The following PLCXD3 variants were observed in gnomAD, a reference collection of about 807,000 sequenced individuals.
The protein encoded by PLCXD3 is phosphatidylinositol specific phospholipase C X domain containing 3.
A neutral mutation model predicts 25.5 loss-of-function variants in PLCXD3; 19 were observed. The ratio of observed to expected loss-of-function variants is 0.75; its 90% confidence interval spans 0.52 to 1.09. The LOEUF is 1.09. Among genes scored for constraint, PLCXD3 ranks in the 50% least tolerant of loss-of-function variants. The probability of loss-of-function intolerance (pLI) is 0.00; values close to 1 mark genes in which losing one functional copy is unlikely to be tolerated. For missense variants in PLCXD3, 411 were observed against 388.1 expected (o/e 1.06, Z -0.50); for synonymous variants, 174 against 137.6 (o/e 1.26, Z -1.85).
At chr5:41,406,118 A>G (rs1474038067) in intron 1 of PLCXD3, among the ~76,000 whole-genome samples, 2 of 152,192 alleles carry the variant, frequency 1.3e-5, no homozygotes, top group Non-Finnish European at 1.5e-5. Flanking sequence ...TTTTTGAGAC[A>G]TGGATCTTTC....
At chr5:41,439,555 C>T (rs1461035702) in intron 1 of PLCXD3, among the ~76,000 whole-genome samples, 1 of 151,978 alleles carries the variant, frequency 6.6e-6, no homozygotes, top group Non-Finnish European at 1.5e-5. Flanking sequence ...CAAGAGGTGG[C>T]CTTGAGAATA....
At chr5:41,492,015 C>G (rs1415519156) in intron 1 of PLCXD3, among the ~76,000 whole-genome samples, 6 of 152,214 alleles carry the variant, frequency 3.9e-5, no homozygotes, top group Admixed American at 6.5e-5. Context: ...AGTTGATGCA[C>G]TTTCTTCCTA....
chr5:41,409,015 T>C (rs748911592), intron 1 of PLCXD3, among the ~76,000 whole-genome samples: 12 of 152,152 alleles, frequency 7.9e-5, no homozygotes, highest in Non-Finnish European at 1.6e-4. Flanking sequence ...GACATGTCTG[T>C]TGGCAAACAA....
chr5:41,388,636 T>TA (rs201293137), intron 1 of PLCXD3, among the ~76,000 whole-genome samples: 6,738 of 151,960 alleles, frequency 0.044, 193 homozygotes, highest in Non-Finnish European at 0.062. Flanking sequence ...TTCTTTTTCA[T>TA]AAAAAAGGAC....
intron 2 of PLCXD3, among the ~76,000 whole-genome samples, chr5:41,328,964 T>C (rs1044322351): frequency 5.9e-5 from 9 of 152,188 alleles, no homozygotes; most frequent in African/African-American, 2.2e-4. Flanking sequence ...AAGGTAAAAA[T>C]GCTTAACTGG....
At chr5:41,497,016 A>G (rs545154610) in intron 1 of PLCXD3, among the ~76,000 whole-genome samples, 1 of 151,754 alleles carries the variant, frequency 6.6e-6, no homozygotes, top group Admixed American at 6.6e-5. Context: ...GTGTTGTAAG[A>G]TATTTCATGT....
In PLCXD3 at chr5:41,478,935, C is replaced by T. The variant is rs149560658; in HGVS notation, c.103+31489G>A. ...GCTACACACTTTGAAACAAACAGATCTCGTGAGAACTCACTATCATGAGAA... is the reference window on the plus strand; with the variant it reads ...GCTACACACTTTGAAACAAACAGATTTCGTGAGAACTCACTATCATGAGAA... On this transcript the variant is annotated intron_variant, in intron 1 of 2. Transcript: ENST00000377801. Among the ~76,000 whole-genome samples, 266 of 152,252 alleles carry T rather than the reference C, an allele frequency of 1.7e-3. 2 individuals are homozygous for T. Among genetic ancestry groups the T allele is most frequent in the African/African-American group, 6.2e-3 (257 of 41,532 alleles).
intron 1 of PLCXD3, among the ~76,000 whole-genome samples, chr5:41,418,950 C>G: frequency 6.6e-6 from 1 of 152,076 alleles, no homozygotes; most frequent in East Asian, 1.9e-4. Flanking sequence ...AGAGAGAGGC[C>G]AAGGCTGAGC....
chr5:41,486,748 T>A (rs1748525897), intron 1 of PLCXD3, among the ~76,000 whole-genome samples: 1 of 152,334 alleles, frequency 6.6e-6, no homozygotes, highest in African/African-American at 2.4e-5. Context: ...GACTACTAAC[T>A]CTGTGATACA....
intron 2 of PLCXD3, among the ~76,000 whole-genome samples, chr5:41,330,684 C>T (rs1175282693): frequency 1.3e-5 from 2 of 152,094 alleles, no homozygotes; most frequent in Admixed American, 6.5e-5. Flanking sequence ...AACATTGATG[C>T]AAAAATCCTC....
intron 1 of PLCXD3, among the ~76,000 whole-genome samples, chr5:41,484,695 A>G (rs1345497406): frequency 1.3e-5 from 2 of 152,202 alleles, no homozygotes; most frequent in African/African-American, 4.8e-5. Flanking sequence ...AGGTAACGGA[A>G]TGATCATAGC....
At chr5:41,483,543 TTAAAG>T (rs1206215920) in intron 1 of PLCXD3, among the ~76,000 whole-genome samples, 2 of 152,150 alleles carry the variant, frequency 1.3e-5, no homozygotes, top group Non-Finnish European at 2.9e-5. Flanking sequence ...AAAATTATTT[TTAAAG>T]TAATTTTTAA....
chr5:41,374,410 G>A (rs1745220539), intron 2 of PLCXD3, among the ~76,000 whole-genome samples: 1 of 152,120 alleles, frequency 6.6e-6, no homozygotes, highest in Non-Finnish European at 1.5e-5. Context: ...GTTTCAAAAA[G>A]ATTCTGAATT....
chr5:41,407,910 G>A (rs1055004027), intron 1 of PLCXD3, among the ~76,000 whole-genome samples: 1 of 152,036 alleles, frequency 6.6e-6, no homozygotes, highest in Non-Finnish European at 1.5e-5. Context: ...AAAGAAAGTT[G>A]GTTTCCTTAT....
Position 41,307,240 on chromosome 5 carries a change from C to T in PLCXD3, c.*6377G>A, listed in dbSNP as rs1743026693. On this transcript the variant is annotated 3_prime_UTR_variant, in exon 3 of 3. Coordinates refer to ENST00000377801, the MANE Select transcript of PLCXD3 (RefSeq NM_001005473.3). ...GCAAATCAACACAAATGTGTGTAAG[C>T]AGGAGTCATGAGATGGACATGTTAT... 6.6e-6 allele frequency: 1 copy of T among 152,540 alleles called. No individual in the cohort carries two copies. The highest frequency in any genetic ancestry group is 1.5e-5 in the Non-Finnish European group (1 of 68,006). 9.4% of individuals were successfully genotyped at this position (152,540 alleles called of 1,614,324 possible).
At chr5:41,341,075 A>G (rs1744135190) in intron 2 of PLCXD3, among the ~76,000 whole-genome samples, 2 of 152,208 alleles carry the variant, frequency 1.3e-5, no homozygotes, top group Non-Finnish European at 2.9e-5. Flanking sequence ...TCTAATGACA[A>G]AAGTTTATAA....
chr5:41,485,906 G>A (rs1021811592), intron 1 of PLCXD3, among the ~76,000 whole-genome samples: 2 of 152,074 alleles, frequency 1.3e-5, no homozygotes, highest in Admixed American at 1.3e-4. Context: ...TTTAGTATGA[G>A]TCTTGTTGAA....
chr5:41,404,377 C>G (rs759251255), intron 1 of PLCXD3, among the ~76,000 whole-genome samples: 4 of 151,846 alleles, frequency 2.6e-5, no homozygotes, highest in Admixed American at 6.6e-5. Context: ...TATGGTATAA[C>G]TCGGCACAAA....
In PLCXD3 at chr5:41,382,029, C is replaced by T; in HGVS notation, c.609G>A (p.Val203=). Residue 203 remains valine (V), a synonymous_variant, in exon 2 of 3, where the codon GTG becomes GTA. Transcript: ENST00000377801. ...VFYHSPVALE[V]PFLWPGQMMP... Reference sequence around the variant, plus strand: ...TCATCTGCCCAGGCCAGAGAAAGGGCACTTCCAGAGCCACTGGACTATGGT... The same window carrying T: ...TCATCTGCCCAGGCCAGAGAAAGGGTACTTCCAGAGCCACTGGACTATGGT... 1.2e-6 allele frequency: 2 copies of T among 1,613,590 alleles called. No individual in the cohort carries two copies. Among genetic ancestry groups the T allele is most frequent in the South Asian group, 2.2e-5 (2 of 91,084 alleles).
Sources: gnomAD v4.1 joint callset for allele counts (sites outside exome capture counted in the v4.1 genomes callset) on GRCh38, gnomAD v4.1.1 for gene constraint, MANE v1.5 for transcripts, NCBI Gene and HGNC (gene_info 2026-07-23, HGNC 2026-07-21) for gene names.